MEIS2: variants seen among roughly 807,000 people sequenced by gnomAD.
MEIS2 encodes Meis homeobox 2, also known as homeobox protein Meis2.
In MEIS2, 9 loss-of-function variants were observed where a neutral mutation model predicts 58.6. The observed-to-expected ratio is 0.15, with a 90% CI of 0.09 to 0.27. The LOEUF (loss-of-function observed/expected upper bound fraction) is 0.27, where lower values mean the gene tolerates loss of function less well. Ranked by LOEUF, MEIS2 falls within the 10% of genes least tolerant of loss-of-function variation. The pLI is 1.00. For missense variants in MEIS2, 427 were observed against 635.0 expected, an observed-to-expected ratio of 0.67 and a Z score of 3.52; for synonymous variants, 221 against 228.4, an observed-to-expected ratio of 0.97 and a Z score of 0.29.
chr15:37,093,764 ATGT>A lies in MEIS2; in HGVS notation c.490-37_490-35del, dbSNP rs747335436. 9.8e-4 allele frequency: 1,563 copies of A among 1,593,846 alleles called. 1 individual carries two copies. The highest frequency in any genetic ancestry group is 1.2e-3 in the Middle Eastern group (7 of 6,006). Reference sequence around the variant, plus strand: ...AAGGTCATGGTGGAGGGTTTAGCTCATGTTGTTGTTGTTGTTGTTTTGTTTCAT... The same window carrying A: ...AAGGTCATGGTGGAGGGTTTAGCTCATGTTGTTGTTGTTGTTTTGTTTCAT... On this transcript the variant is annotated intron_variant, in intron 5 of 11. Coordinates refer to ENST00000561208, the MANE Select transcript of MEIS2 (RefSeq NM_170675.5).
intron 8 of MEIS2, among the ~76,000 whole-genome samples, chr15:37,003,791 G>A (rs2060821718): frequency 6.6e-6 from 1 of 152,096 alleles, no homozygotes. Context: ...TCATGAGGAT[G>A]GAGCTCTCAC....
intron 9 of MEIS2, among the ~76,000 whole-genome samples, chr15:36,924,571 T>C (rs897544125): frequency 4.6e-5 from 7 of 152,204 alleles, no homozygotes; most frequent in Admixed American, 1.3e-4. Flanking sequence ...CAGTGAGGAC[T>C]GGCCTGTCGT....
chr15:36,923,302 G>T (rs2057597803), intron 9 of MEIS2, among the ~76,000 whole-genome samples: 1 of 151,600 alleles, frequency 6.6e-6, no homozygotes, highest in Non-Finnish European at 1.5e-5. Context: ...TCTTTCTGAT[G>T]ATATCATCCT....
intron 9 of MEIS2, among the ~76,000 whole-genome samples, chr15:36,934,935 A>G (rs1387442662): frequency 6.6e-6 from 1 of 152,208 alleles, no homozygotes; most frequent in Non-Finnish European, 1.5e-5. Context: ...ATATTATTCA[A>G]TTCCTATTAT....
At chr15:36,973,837 T>C (rs2059651541) in intron 8 of MEIS2, among the ~76,000 whole-genome samples, 1 of 152,200 alleles carries the variant, frequency 6.6e-6, no homozygotes, top group African/African-American at 2.4e-5. Context: ...ACTTGAAATG[T>C]TCGTGAGATA....
intron 7 of MEIS2, among the ~76,000 whole-genome samples, chr15:37,062,117 C>T (rs541863225): frequency 6.6e-5 from 10 of 152,234 alleles, no homozygotes; most frequent in Non-Finnish European, 8.8e-5. Context: ...CAAGAACTTT[C>T]CACAGATTCA....
At chr15:36,952,646 T>TGTGTGTGTGTGTGC (rs1356856777) in intron 8 of MEIS2, among the ~76,000 whole-genome samples, 5 of 150,088 alleles carry the variant, frequency 3.3e-5, no homozygotes, top group African/African-American at 9.8e-5. Flanking sequence ...TGTGTGTGTG[T>TGTGTGTGTGTGTGC]GTGCATGTGT....
At chr15:36,905,262 C>A (rs181822863) in intron 9 of MEIS2, among the ~76,000 whole-genome samples, 3 of 149,860 alleles carry the variant, frequency 2.0e-5, no homozygotes, top group African/African-American at 4.9e-5. Flanking sequence ...GGAATTTTGT[C>A]GGGGGGTGGG....
At chr15:36,953,348 T>C (rs950608217) in intron 8 of MEIS2, among the ~76,000 whole-genome samples, 1 of 152,238 alleles carries the variant, frequency 6.6e-6, no homozygotes, top group Non-Finnish European at 1.5e-5. Context: ...TGTATATTAC[T>C]AAATGTCTGA....
intron 7 of MEIS2, among the ~76,000 whole-genome samples, chr15:37,071,657 T>C (rs1890724559): frequency 6.6e-6 from 1 of 152,102 alleles, no homozygotes; most frequent in Admixed American, 6.6e-5. Flanking sequence ...CCACTCCAAA[T>C]CTATTAGATT....
intron 5 of MEIS2, chr15:37,094,000 G>C (rs1379074001): frequency 7.2e-6 from 3 of 416,476 alleles, no homozygotes; most frequent in African/African-American, 5.9e-5. Context: ...GAAATAACTG[G>C]GTTCAGAGTG....
At chr15:37,083,739 A>C (rs1460847103) in intron 7 of MEIS2, 32 bp downstream of exon 7, 1 of 1,576,164 alleles carries the variant, frequency 6.3e-7, no homozygotes, top group East Asian at 2.2e-5. Flanking sequence ...AGTCATGCCT[A>C]CTTTGCACGA....
chr15:37,096,089 G>A, intron 3 of MEIS2, 200 bp downstream of exon 3: 1 of 560,080 alleles, frequency 1.8e-6, no homozygotes. Context: ...TTCCTGCTGG[G>A]GGGGAAAACA....
intron 8 of MEIS2, among the ~76,000 whole-genome samples, chr15:37,005,243 A>G (rs1156382347): frequency 6.6e-6 from 1 of 152,222 alleles, no homozygotes; most frequent in Non-Finnish European, 1.5e-5. Context: ...GTAAGTTCGT[A>G]ATGAAATATA....
intron 7 of MEIS2, among the ~76,000 whole-genome samples, chr15:37,046,584 G>A: frequency 6.6e-6 from 1 of 152,062 alleles, no homozygotes. Flanking sequence ...GGCTTTAGCT[G>A]GCAATGTGAG....
chr15:36,957,985 A>G (rs1567107073), intron 8 of MEIS2, among the ~76,000 whole-genome samples: 1 of 152,218 alleles, frequency 6.6e-6, no homozygotes, highest in Non-Finnish European at 1.5e-5. Flanking sequence ...CAGGCTTCAC[A>G]TTCAAATTAG....
At chr15:36,912,391 C>T (rs140440349) in intron 9 of MEIS2, among the ~76,000 whole-genome samples, 92 of 152,224 alleles carry the variant, frequency 6.0e-4, no homozygotes, top group African/African-American at 2.0e-3. Context: ...AGCTTAGAGC[C>T]GTAATGAGCT....
At chr15:37,045,327 T>C (rs539015266) in intron 7 of MEIS2, among the ~76,000 whole-genome samples, 1 of 152,302 alleles carries the variant, frequency 6.6e-6, no homozygotes, top group Admixed American at 6.5e-5. Flanking sequence ...CTTTATGCCC[T>C]TTTCCTCTTA....
chr15:36,934,065 T>C (rs910523899), intron 9 of MEIS2, among the ~76,000 whole-genome samples: 4 of 152,236 alleles, frequency 2.6e-5, no homozygotes, highest in African/African-American at 9.6e-5. Context: ...ATTTTAACAA[T>C]GTGCATACTA....
Sources: allele counts gnomAD v4.1 joint callset (sites outside exome capture counted in the v4.1 genomes callset), GRCh38; gene constraint gnomAD v4.1.1; transcripts MANE v1.5; gene names NCBI Gene and HGNC (gene_info 2026-07-23, HGNC 2026-07-21).